Variants in INTS8 observed in about 807,000 individuals in gnomAD.
INTS8 encodes protein kaonashi-1.
A neutral mutation model predicts 138.9 loss-of-function variants in INTS8; 47 were observed. That is an observed-to-expected ratio of 0.34 (90% CI 0.27 to 0.43). The LOEUF (loss-of-function observed/expected upper bound fraction) is 0.43. Among genes scored for constraint, INTS8 ranks in the 20% least tolerant of loss-of-function variants. INTS8 has a pLI of 1.00. For missense variants in INTS8, 996 were observed against 1,173.0 expected, an observed-to-expected ratio of 0.85 and a Z score of 2.20; for synonymous variants, 392 against 400.9, an observed-to-expected ratio of 0.98 and a Z score of 0.27.
Position 94,824,879 on chromosome 8 carries a change from C to G in INTS8, c.131-14C>G. ...AAACTTAAATTTAAGAATTTATTTT[C>G]TTTTAAACCCTAGATCCTGCACCAG... On this transcript the variant is annotated splice_polypyrimidine_tract_variant and intron_variant, in intron 1 of 26. Coordinates refer to ENST00000523731, the MANE Select transcript of INTS8 (RefSeq NM_017864.4). The G allele has an allele frequency of 6.5e-7, 1 of 1,531,366 alleles. No homozygotes were observed. The highest frequency in any genetic ancestry group is 8.8e-7 in the Non-Finnish European group (1 of 1,136,206). The allele number at this position is 1,531,366 out of a possible 1,614,324, so 94.9% of individuals were successfully genotyped here.
chr8:94,847,891 GAAAC>G (rs943464792), intron 10 of INTS8, among the ~76,000 whole-genome samples: 6 of 152,080 alleles, frequency 3.9e-5, no homozygotes, highest in Admixed American at 3.9e-4. Context: ...TGGCAGCAAA[GAAAC>G]AAAGTTATTA....
chr8:94,871,315 A>C (rs1467690114), intron 20 of INTS8, among the ~76,000 whole-genome samples: 1 of 146,856 alleles, frequency 6.8e-6, no homozygotes, highest in Non-Finnish European at 1.5e-5. Flanking sequence ...AAAAATACAA[A>C]AAAAAAAAAA....
intron 16 of INTS8, among the ~76,000 whole-genome samples, chr8:94,862,701 G>T (rs1228108847): frequency 6.6e-6 from 1 of 152,140 alleles, no homozygotes; most frequent in Non-Finnish European, 1.5e-5. Flanking sequence ...TTAGGGTTTT[G>T]TGTGCCACCT....
chr8:94,872,154 T>C, intron 21 of INTS8, 152 bp downstream of exon 21: 1 of 555,868 alleles, frequency 1.8e-6, no homozygotes, highest in South Asian at 2.4e-5. Flanking sequence ...TTTGTACTTT[T>C]TTTTAGTGTA....
intron 26 of INTS8, among the ~76,000 whole-genome samples, chr8:94,877,621 CA>C: frequency 6.6e-6 from 1 of 152,268 alleles, no homozygotes; most frequent in East Asian, 1.9e-4. Flanking sequence ...CTACATGTGT[CA>C]AAAGACGTGA....
At chr8:94,844,411 GT>G (rs983386532) in intron 10 of INTS8, among the ~76,000 whole-genome samples, 1 of 152,104 alleles carries the variant, frequency 6.6e-6, no homozygotes, top group African/African-American at 2.4e-5. Flanking sequence ...CCACCTCCCA[GT>G]TTCAAGTGAT....
intron 10 of INTS8, among the ~76,000 whole-genome samples, chr8:94,845,106 AT>A (rs1183976470): frequency 1.3e-5 from 2 of 151,814 alleles, no homozygotes; most frequent in Non-Finnish European, 2.9e-5. Flanking sequence ...AAATTTACCG[AT>A]TTTTTTCCGT....
chr8:94,854,489 G>A lies in INTS8; in HGVS notation c.1752+574G>A, dbSNP rs534975194. 4.6e-5 allele frequency among the ~76,000 whole-genome samples: 7 copies of A among 152,260 alleles called. No individual in the cohort carries two copies. In the East Asian group the frequency reaches 5.8e-4, roughly 13 times the overall value. ...TTAGGATTCAGCTAGTAAAGATTGT[G>A]TACCAAGATTAAAAAACAAACTTTC... On this transcript the variant is annotated intron_variant, in intron 14 of 26. Transcript: ENST00000523731.
At chr8:94,847,658 A>G (rs980310316) in intron 10 of INTS8, among the ~76,000 whole-genome samples, 3 of 152,120 alleles carry the variant, frequency 2.0e-5, no homozygotes, top group Non-Finnish European at 4.4e-5. Context: ...TATTATTTTA[A>G]TATTAAAGCA....
Position 94,853,824 on chromosome 8 carries a change from A to G in INTS8, c.1661A>G (p.Tyr554Cys), listed in dbSNP as rs762284387. 2.2e-5 allele frequency: 36 copies of G among 1,605,762 alleles called. No individual in the cohort carries two copies. Among genetic ancestry groups the G allele is most frequent in the Non-Finnish European group, 2.6e-5 (31 of 1,172,552 alleles). The part of the protein sequence containing the change: ...VSNKWEVPSV[Y>C]SGVILGIKDN... Reference sequence around the variant, plus strand: ...TTTTAGTGGGAAGTACCTTCTGTCTATAGTGGTGTTATCCTGGGAATTAAA... The same window carrying G: ...TTTTAGTGGGAAGTACCTTCTGTCTGTAGTGGTGTTATCCTGGGAATTAAA... Residue 554 changes from tyrosine to cysteine, a missense_variant, in exon 14 of 27, where the codon TAT (tyrosine) becomes TGT (cysteine). Tyr to Cys is a radical substitution (Grantham distance 194, BLOSUM62 -2). Transcript: ENST00000523731.
At position 94,853,850 on chromosome 8, in the gene INTS8, G is replaced by A. The variant is rs976763080; in HGVS notation, c.1687G>A (p.Asp563Asn). Residue 563 changes from aspartate to asparagine, a missense_variant, in exon 14 of 27, where the codon GAC becomes AAC. Asp to Asn is a conservative substitution (Grantham distance 23). Transcript: ENST00000523731. ...TAGTGGTGTTATCCTGGGAATTAAA[G>A]ACAATTTAACAAGAGATTTGGTTTA... ...VYSGVILGIK[D>N]NLTRDLVYIL... 5.6e-6 allele frequency: 9 copies of A among 1,612,070 alleles called. No homozygotes were observed. The highest frequency in any genetic ancestry group is 7.6e-6 in the Non-Finnish European group (9 of 1,178,304).
intron 16 of INTS8, among the ~76,000 whole-genome samples, chr8:94,863,972 T>C (rs964698679): frequency 1.3e-5 from 2 of 152,178 alleles, no homozygotes; most frequent in South Asian, 2.1e-4. Context: ...ACAGTACTCT[T>C]GTTAATTTTC....
At chr8:94,827,673 G>A in intron 3 of INTS8, 49 bp from the exon 4 acceptor site, 1 of 1,444,666 alleles carries the variant, frequency 6.9e-7, no homozygotes, top group Non-Finnish European at 9.7e-7. Flanking sequence ...AAATAATTGA[G>A]ATGACATTTA....
intron 22 of INTS8, among the ~76,000 whole-genome samples, chr8:94,874,106 T>C (rs1816494882): frequency 6.6e-6 from 1 of 152,228 alleles, no homozygotes; most frequent in South Asian, 2.1e-4. Flanking sequence ...TTTTTTAGTA[T>C]ACATTATGGT....
intron 6 of INTS8, among the ~76,000 whole-genome samples, chr8:94,833,039 T>A (rs1434173053): frequency 6.6e-6 from 1 of 152,176 alleles, no homozygotes; most frequent in East Asian, 1.9e-4. Context: ...TCTCTTTTTT[T>A]TTTAATATGT....
Position 94,828,957 on chromosome 8 carries a change from C to A in INTS8, c.519-18C>A. 6.4e-7 allele frequency: 1 copy of A among 1,554,116 alleles called. No individual in the cohort carries two copies. The highest frequency in any genetic ancestry group is 8.8e-7 in the Non-Finnish European group (1 of 1,131,846). ...GAGTAACTTTTGATACTTTTGTTTTCAATTGTTTCTCTTTTAGTATGAATC... is the reference window on the plus strand; with the variant it reads ...GAGTAACTTTTGATACTTTTGTTTTAAATTGTTTCTCTTTTAGTATGAATC... On this transcript the variant is annotated intron_variant, in intron 4 of 26. Transcript: ENST00000523731.
At chr8:94,824,524 C>T (rs1299045518) in intron 1 of INTS8, among the ~76,000 whole-genome samples, 1 of 152,102 alleles carries the variant, frequency 6.6e-6, no homozygotes, top group Non-Finnish European at 1.5e-5. Context: ...AATTAAGTGT[C>T]AAAATAATAG....
chr8:94,854,897 T>C (rs926133138), intron 14 of INTS8, among the ~76,000 whole-genome samples: 1 of 146,668 alleles, frequency 6.8e-6, no homozygotes, highest in Non-Finnish European at 1.5e-5. Context: ...ATGCCCAGCT[T>C]ATTTGAAAGA....
At position 94,871,084 on chromosome 8, in the gene INTS8, G is replaced by A. The variant is rs188398996; in HGVS notation, c.2415-800G>A. On this transcript the variant is annotated intron_variant, in intron 20 of 26. Coordinates refer to ENST00000523731, the MANE Select transcript of INTS8 (RefSeq NM_017864.4). ...GGGGAGTCAGTAACTCTTGCAAGAA[G>A]GCTTAAGGTGGATGTAAGGCCACAA... is the stretch of plus-strand genomic sequence containing the variant. Among the ~76,000 whole-genome samples the A allele has an allele frequency of 3.9e-5, 6 of 152,224 alleles. No homozygotes were observed. In the East Asian group the frequency reaches 7.7e-4, roughly 20 times the overall value.
Sources: allele counts gnomAD v4.1 joint callset (sites outside exome capture counted in the v4.1 genomes callset), GRCh38; gene constraint gnomAD v4.1.1; transcripts MANE v1.5; gene names NCBI Gene and HGNC (gene_info 2026-07-23, HGNC 2026-07-21).